SCAMP2: variants seen among roughly 807,000 people sequenced by gnomAD.
The protein encoded by SCAMP2 is secretory carrier membrane protein 2, also known as secretory carrier-associated membrane protein 2.
In SCAMP2, 25 loss-of-function variants were observed where a neutral mutation model predicts 44.1. The observed-to-expected ratio is 0.57, with a 90% CI of 0.41 to 0.79. The LOEUF is 0.79. Ranked by LOEUF, SCAMP2 falls within the 30% of genes least tolerant of loss-of-function variation. The probability of loss-of-function intolerance (pLI) is 0.00; values close to 1 mark genes in which losing one functional copy is unlikely to be tolerated. For missense variants in SCAMP2, 355 were observed against 411.0 expected (o/e 0.86, Z 1.18); for synonymous variants, 156 against 166.0 (o/e 0.94, Z 0.46).
chr15:74,857,804 C>T (rs1161040548), intron 1 of SCAMP2, among the ~76,000 whole-genome samples: 1 of 152,196 alleles, frequency 6.6e-6, no homozygotes, highest in Non-Finnish European at 1.5e-5. Context: ...AAGTTAGAAG[C>T]TCCCTGCAGC....
At chr15:74,873,174 C>T (rs1356909040) in intron 1 of SCAMP2, 25 bp downstream of exon 1, 19 of 1,426,492 alleles carry the variant, frequency 1.3e-5, no homozygotes, top group Admixed American at 3.8e-5. Flanking sequence ...AATCTGAGAG[C>T]TGGATGGCGG....
At position 74,844,881 on chromosome 15, in the gene SCAMP2, T is replaced by G. The variant is rs1402006096; in HGVS notation, c.*202A>C. The G allele has an allele frequency of 1.8e-6, 1 of 561,532 alleles. No homozygotes were observed. The highest frequency in any genetic ancestry group is 3.1e-6 in the Non-Finnish European group (1 of 319,664). The allele number at this position is 561,532 out of a possible 1,614,324, so 34.8% of individuals were successfully genotyped here. A position where few individuals can be genotyped will look rare whatever the true frequency, so the allele number is the denominator to read the frequency against. On this transcript the variant is annotated 3_prime_UTR_variant, in exon 9 of 9. Transcript: ENST00000268099. ...ACCAGAGAAGGAAAGAGAGCTTTGT[T>G]TTTTTTTGTACATAGAGGGGGAAAA...
At chr15:74,853,279 CA>C (rs1305368300) in intron 3 of SCAMP2, 1 of 388,812 alleles carries the variant, frequency 2.6e-6, no homozygotes, top group Non-Finnish European at 5.3e-6. Flanking sequence ...AGGCCTGCCT[CA>C]CCTCCACAGG....
intron 7 of SCAMP2, 195 bp downstream of exon 7, chr15:74,848,405 G>GA (rs575795465): frequency 1.3e-3 from 648 of 490,546 alleles, no homozygotes; most frequent in South Asian, 3.1e-3. Context: ...GTATCAAGGA[G>GA]AAAAAAAAAG....
chr15:74,847,968 G>A (rs1162124535), intron 7 of SCAMP2, among the ~76,000 whole-genome samples: 1 of 152,166 alleles, frequency 6.6e-6, no homozygotes, highest in Non-Finnish European at 1.5e-5. Context: ...AGAAAAGGAA[G>A]AGGCTGCAAT....
Position 74,850,644 on chromosome 15 carries a change from G to A in SCAMP2, c.502C>T (p.Leu168Phe). ...CCCGAGAACCAGGCCAGGCAGGCAA[G>A]CAGGTTCAGAAACAGAGTCACTGAA... ...LHSVTLFLNL[L>F]ACLAWFSGNS... Residue 168 changes from leucine (L) to phenylalanine (F), a missense_variant, in exon 6 of 9, where the codon CTT (leucine) becomes TTT (phenylalanine). Leu to Phe is a conservative substitution (Grantham distance 22). Transcript: ENST00000268099. 6.2e-7 allele frequency: 1 copy of A among 1,614,094 alleles called. No homozygotes were observed.
In SCAMP2 at chr15:74,854,617, C is replaced by A; in HGVS notation, c.90G>T (p.Pro30=). 8 of 1,608,498 alleles carry A rather than the reference C, an allele frequency of 5.0e-6. No homozygotes were observed. The highest frequency in any genetic ancestry group is 1.1e-5 in the South Asian group (1 of 89,786). Residue 30 remains proline, a synonymous_variant, in exon 2 of 9, where the codon CCG becomes CCT. Coordinates refer to ENST00000268099, the MANE Select transcript of SCAMP2 (RefSeq NM_005697.5). ...GGTTGAATTCCGCCAGGCCGCCCTG[C>A]GGGGCGTTGGTCAGCTGGGTCACAG... is the stretch of plus-strand genomic sequence containing the variant. ...DPSVTQLTNA[P]QGGLAEFNPF...
chr15:74,844,230 G>A lies in SCAMP2; in HGVS notation c.*853C>T, dbSNP rs908204918. 7 of 151,370 alleles carry A rather than the reference G, an allele frequency of 4.6e-5. No individual in the cohort carries two copies. Among genetic ancestry groups the A allele is most frequent in the African/African-American group, 1.7e-4 (7 of 41,148 alleles). 9.4% of individuals were successfully genotyped at this position (151,370 alleles called of 1,614,324 possible). On this transcript the variant is annotated 3_prime_UTR_variant, in exon 9 of 9. Coordinates refer to ENST00000268099, the MANE Select transcript of SCAMP2 (RefSeq NM_005697.5). ...GGGGGGGGGTAGTCACAGCAAACAG[G>A]GCCAAACCAACCACACCAGGACAGG...
rs1183256744 is a variant in SCAMP2, at chr15:74,873,302, G to C, written c.-47C>G. 1.4e-6 allele frequency: 2 copies of C among 1,465,618 alleles called. No homozygotes were observed. The highest frequency in any genetic ancestry group is 1.8e-6 in the Non-Finnish European group (2 of 1,111,808). 90.8% of individuals were successfully genotyped at this position (1,465,618 alleles called of 1,614,324 possible). A position where few individuals can be genotyped will look rare whatever the true frequency, so the allele number is the denominator to read the frequency against. ...GAACTCCGCGAACGCTGCTGCCTCC[G>C]GGCACCCAGACCCAGCGGCGCTTCG... is the stretch of plus-strand genomic sequence containing the variant. On this transcript the variant is annotated 5_prime_UTR_variant, in exon 1 of 9. Coordinates refer to ENST00000268099, the MANE Select transcript of SCAMP2 (RefSeq NM_005697.5).
chr15:74,872,524 A>C (rs772658804), intron 1 of SCAMP2, among the ~76,000 whole-genome samples: 7 of 152,014 alleles, frequency 4.6e-5, no homozygotes, highest in Non-Finnish European at 7.4e-5. Context: ...AATTTTTCAC[A>C]GTCCCCCGCA....
chr15:74,866,468 C>G (rs918136741), intron 1 of SCAMP2, among the ~76,000 whole-genome samples: 33 of 151,968 alleles, frequency 2.2e-4, no homozygotes, highest in African/African-American at 7.0e-4. Flanking sequence ...CCTAGCATTC[C>G]GGGAGACCGA....
intron 6 of SCAMP2, 38 bp from the exon 7 acceptor site, chr15:74,848,739 G>T: frequency 6.8e-7 from 1 of 1,467,452 alleles, no homozygotes; most frequent in Non-Finnish European, 9.5e-7. Flanking sequence ...AAGAGGGCTT[G>T]GGCTGTGTTC....
At chr15:74,861,625 A>C (rs952024502) in intron 1 of SCAMP2, among the ~76,000 whole-genome samples, 9 of 152,286 alleles carry the variant, frequency 5.9e-5, no homozygotes, top group Middle Eastern at 6.8e-3. Flanking sequence ...CTGGTCGGGC[A>C]TGGTGGCTCA....
At chr15:74,863,498 C>T (rs2064522465) in intron 1 of SCAMP2, among the ~76,000 whole-genome samples, 2 of 150,152 alleles carry the variant, frequency 1.3e-5, no homozygotes, top group Non-Finnish European at 3.0e-5. Flanking sequence ...GTGACAGAGA[C>T]AGACCCCATC....
intron 1 of SCAMP2, 74 bp downstream of exon 1, chr15:74,873,125 C>A (rs2064588445): frequency 7.7e-7 from 1 of 1,292,568 alleles, no homozygotes; most frequent in East Asian, 3.1e-5. Context: ...TCTCCCGGCT[C>A]TAGCGAGAGG....
In SCAMP2 at chr15:74,860,685, T is replaced by TAAAAA. The variant is rs34842935; in HGVS notation, c.58-6041_58-6037dup. Among the ~76,000 whole-genome samples the TAAAAA allele has an allele frequency of 1.6e-4, 14 of 89,530 alleles. 2 individuals are homozygous for TAAAAA. The highest frequency in any genetic ancestry group is 2.5e-4 in the Non-Finnish European group (12 of 47,118). 58.7% of individuals were successfully genotyped at this position (89,530 alleles called of 152,430 possible). A position where few individuals can be genotyped will look rare whatever the true frequency, so the allele number is the denominator to read the frequency against. On this transcript the variant is annotated intron_variant, in intron 1 of 8. Transcript: ENST00000268099. ...CTGGGATACAGAGGAAGACTCCATT[T>TAAAAA]AAAAAAAAAAAAAAAAAAAAAGCCA...
chr15:74,868,579 TA>T (rs1367458719), intron 1 of SCAMP2, among the ~76,000 whole-genome samples: 1 of 152,192 alleles, frequency 6.6e-6, no homozygotes, highest in East Asian at 1.9e-4. Flanking sequence ...AGTTTCACTC[TA>T]TTACCCAGGC....
At chr15:74,855,620 G>A (rs892931561) in intron 1 of SCAMP2, among the ~76,000 whole-genome samples, 2 of 151,100 alleles carry the variant, frequency 1.3e-5, no homozygotes, top group African/African-American at 4.9e-5. Context: ...GGAGACTGAG[G>A]CAGGAGAATC....
intron 1 of SCAMP2, among the ~76,000 whole-genome samples, chr15:74,866,431 C>T (rs2064544504): frequency 6.6e-6 from 1 of 151,994 alleles, no homozygotes; most frequent in Non-Finnish European, 1.5e-5. Context: ...TGTTTTCTGG[C>T]CGGGCGTGGT....
Sources: allele counts gnomAD v4.1 joint callset (sites outside exome capture counted in the v4.1 genomes callset), GRCh38; gene constraint gnomAD v4.1.1; transcripts MANE v1.5; gene names NCBI Gene and HGNC (gene_info 2026-07-23, HGNC 2026-07-21).